DHX35: variants seen among roughly 807,000 people sequenced by gnomAD.
DHX35 encodes the protein DEAH-box helicase 35, also known as probable ATP-dependent RNA helicase DHX35.
A neutral mutation model predicts 99.6 loss-of-function variants in DHX35; 84 were observed. That is an observed-to-expected ratio of 0.84 (90% CI 0.71 to 1.01). The LOEUF is 1.01. Among genes scored for constraint, DHX35 ranks in the 50% least tolerant of loss-of-function variants. DHX35 has a pLI of 0.00. For synonymous variants in DHX35, 331 were observed against 316.2 expected (o/e 1.05, Z -0.50); for missense variants, 852 against 888.5 (o/e 0.96, Z 0.52).
intron 13 of DHX35, 71 bp downstream of exon 13, chr20:39,010,475 G>A (rs1467371328): frequency 3.9e-5 from 62 of 1,574,622 alleles, no homozygotes; most frequent in Non-Finnish European, 4.7e-5. Context: ...GGACATTGTC[G>A]TAGGGCATGC....
chr20:39,008,244 G>T (rs1488916716), intron 12 of DHX35, among the ~76,000 whole-genome samples: 6 of 152,182 alleles, frequency 3.9e-5, no homozygotes. Context: ...CTAATATTCT[G>T]TTGTATAGAT....
At chr20:38,963,593 T>C (rs1382294648) in intron 1 of DHX35, among the ~76,000 whole-genome samples, 1 of 152,234 alleles carries the variant, frequency 6.6e-6, no homozygotes, top group Non-Finnish European at 1.5e-5. Context: ...TATTCACGCT[T>C]TTAGTAACAG....
At chr20:38,981,756 A>G (rs930359581) in intron 3 of DHX35, among the ~76,000 whole-genome samples, 9 of 152,100 alleles carry the variant, frequency 5.9e-5, no homozygotes, top group Admixed American at 5.2e-4. Flanking sequence ...CAGCCTGGCC[A>G]ACATGGCAAA....
intron 4 of DHX35, among the ~76,000 whole-genome samples, chr20:38,987,348 C>A (rs1191710134): frequency 4.6e-5 from 7 of 152,134 alleles, no homozygotes; most frequent in African/African-American, 1.7e-4. Flanking sequence ...TCAAGTGATT[C>A]TCCTGCCTCA....
intron 8 of DHX35, among the ~76,000 whole-genome samples, chr20:38,996,275 C>G (rs926439090): frequency 5.3e-5 from 8 of 152,216 alleles, no homozygotes; most frequent in African/African-American, 1.9e-4. Context: ...TCTCCTGTCA[C>G]TAAAATATAA....
At chr20:38,988,255 C>T (rs1158766994) in intron 4 of DHX35, among the ~76,000 whole-genome samples, 1 of 152,136 alleles carries the variant, frequency 6.6e-6, no homozygotes, top group Admixed American at 6.5e-5. Context: ...TGATCCGTAA[C>T]ATTTTTATGT....
At chr20:39,028,579 G>A in intron 19 of DHX35, 80 bp downstream of exon 19, 1 of 1,413,104 alleles carries the variant, frequency 7.1e-7, no homozygotes, top group Non-Finnish European at 1.0e-6. Context: ...GCTGTGCAGA[G>A]ATAGTAATTG....
intron 14 of DHX35, among the ~76,000 whole-genome samples, chr20:39,018,539 A>T (rs3752299): frequency 6.6e-6 from 1 of 151,094 alleles, no homozygotes; most frequent in Non-Finnish European, 1.5e-5. Flanking sequence ...CTGCAGGGGG[A>T]TTTCCTTATA....
In DHX35 at chr20:38,994,824, C is replaced by G; in HGVS notation, c.586C>G (p.Gln196Glu). ...TTCCAAATGTCTTCTTTTTTAGATT[C>G]AGAAAAAGCGAGGGGATCTTCGATT... ...DIAIGLLKKI[Q>E]KKRGDLRLIV... The change falls in exon 8 of 22, where the codon CAG becomes GAG. Residue 196 changes from glutamine (Q) to glutamate (E), a missense_variant. Coordinates refer to ENST00000252011, the MANE Select transcript of DHX35 (RefSeq NM_021931.4). 1 of 1,613,092 alleles carries G rather than the reference C, an allele frequency of 6.2e-7. No individual in the cohort carries two copies. Among genetic ancestry groups the G allele is most frequent in the Non-Finnish European group, 8.5e-7 (1 of 1,179,298 alleles).
intron 13 of DHX35, among the ~76,000 whole-genome samples, chr20:39,012,827 A>G (rs1448865080): frequency 6.6e-6 from 1 of 152,198 alleles, no homozygotes. Context: ...CACTGTGCGC[A>G]GTTGACTTTA....
chr20:38,979,226 A>C (rs6028234), intron 3 of DHX35, among the ~76,000 whole-genome samples: 25,731 of 151,928 alleles, frequency 0.17, 2,298 homozygotes, highest in Middle Eastern at 0.31. Context: ...CAATTGATAG[A>C]CATTTAGGTT....
chr20:39,032,065 A>G (rs148705758), intron 20 of DHX35, among the ~76,000 whole-genome samples: 3 of 152,254 alleles, frequency 2.0e-5, no homozygotes, highest in East Asian at 3.9e-4. Flanking sequence ...GGGGGCTTAT[A>G]TTTTTCTTGT....
chr20:39,038,279 T>C lies in DHX35; in HGVS notation c.2068-220T>C, dbSNP rs62202599. ...CCTGTATAACCAGCTTCAGCCGCTG[T>C]GGCTTGGGCCTCGGGTTGCTGGCGG... On this transcript the variant is annotated intron_variant, in intron 21 of 21. Coordinates refer to ENST00000252011, the MANE Select transcript of DHX35 (RefSeq NM_021931.4). 8.5e-3 allele frequency among the ~76,000 whole-genome samples: 1,300 copies of C among 152,350 alleles called. 19 individuals carry two copies. The highest frequency in any genetic ancestry group is 0.03 in the African/African-American group (1,239 of 41,572).
intron 21 of DHX35, among the ~76,000 whole-genome samples, chr20:39,035,137 T>A (rs8116406): frequency 0.01 from 1,545 of 152,256 alleles, 28 homozygotes; most frequent in African/African-American, 0.033. Flanking sequence ...AGTGGCACAA[T>A]CTCAGCTCAC....
At chr20:39,036,038 T>C (rs750354033) in intron 21 of DHX35, among the ~76,000 whole-genome samples, 61 of 152,160 alleles carry the variant, frequency 4.0e-4, no homozygotes, top group Non-Finnish European at 7.2e-4. Flanking sequence ...ACCTCTCAGG[T>C]GGAAAGCAGC....
At chr20:39,000,895 C>T (rs1279610679) in intron 8 of DHX35, among the ~76,000 whole-genome samples, 1 of 152,162 alleles carries the variant, frequency 6.6e-6, no homozygotes, top group African/African-American at 2.4e-5. Flanking sequence ...ATCTGGTGCT[C>T]ACTTGCCTGC....
chr20:38,999,569 G>T (rs144145205), intron 8 of DHX35, among the ~76,000 whole-genome samples: 208 of 152,304 alleles, frequency 1.4e-3, no homozygotes, highest in African/African-American at 4.8e-3. Flanking sequence ...ATTGCTTTAA[G>T]AAGTTTTTAT....
intron 4 of DHX35, among the ~76,000 whole-genome samples, chr20:38,985,758 A>C (rs1466040714): frequency 6.6e-6 from 1 of 152,222 alleles, no homozygotes; most frequent in East Asian, 1.9e-4. Flanking sequence ...CTTAGTTCCA[A>C]ATTTGTAGCC....
chr20:39,028,438 A>G lies in DHX35; in HGVS notation c.1822A>G (p.Arg608Gly), dbSNP rs1467778167. ...TGTAGGTGACCCGGATCTGGTTCTG[A>G]GGTGCATTGTCTCCGGCTTCTTCGC... Reference protein sequence around the residue: ...SSEGDPDLVLRCIVSGFFANA... With the variant: ...SSEGDPDLVLGCIVSGFFANA... Residue 608 changes from arginine (R) to glycine (G), a missense_variant, in exon 19 of 22, where the codon AGG becomes GGG. Physicochemically the swap from Arg to Gly is moderately radical, Grantham distance 125. Coordinates refer to ENST00000252011, the MANE Select transcript of DHX35 (RefSeq NM_021931.4). 2 of 1,614,148 alleles carry G rather than the reference A, an allele frequency of 1.2e-6. No homozygotes were observed. Among genetic ancestry groups the G allele is most frequent in the Non-Finnish European group, 1.7e-6 (2 of 1,180,026 alleles).
Sources: gnomAD v4.1 joint callset for allele counts (sites outside exome capture counted in the v4.1 genomes callset) on GRCh38, gnomAD v4.1.1 for gene constraint, MANE v1.5 for transcripts, NCBI Gene and HGNC (gene_info 2026-07-23, HGNC 2026-07-21) for gene names.